Variants in WDR70 observed in about 807,000 individuals in gnomAD.
WDR70 encodes the protein WD repeat domain 70.
A neutral mutation model predicts 88.6 loss-of-function variants in WDR70; 53 were observed. That is an observed-to-expected ratio of 0.60 (90% CI 0.48 to 0.75). The LOEUF (loss-of-function observed/expected upper bound fraction) is 0.75, where lower values mean the gene tolerates loss of function less well. Ranked by LOEUF, WDR70 falls within the 30% of genes least tolerant of loss-of-function variation. The pLI is 0.00. For synonymous variants in WDR70, 280 were observed against 270.0 expected (o/e 1.04, Z -0.36); for missense variants, 610 against 823.2 (o/e 0.74, Z 3.17).
At chr5:37,558,486 TA>T (rs1017230523) in intron 9 of WDR70, among the ~76,000 whole-genome samples, 16 of 151,180 alleles carry the variant, frequency 1.1e-4, no homozygotes, top group African/African-American at 2.9e-4. Context: ...CCTGGTTAAT[TA>T]AAAAAAAATT....
chr5:37,552,613 A>G (rs1561898801), intron 9 of WDR70, among the ~76,000 whole-genome samples: 1 of 152,246 alleles, frequency 6.6e-6, no homozygotes. Context: ...GGGGTCCCAC[A>G]GAAGTGAAAC....
chr5:37,604,385 T>G (rs1451966976), intron 9 of WDR70, among the ~76,000 whole-genome samples: 1 of 152,238 alleles, frequency 6.6e-6, no homozygotes, highest in Admixed American at 6.5e-5. Context: ...CTCATCTTTG[T>G]TTTTCTGTAT....
At chr5:37,730,247 A>G (rs1463259099) in intron 17 of WDR70, among the ~76,000 whole-genome samples, 1 of 152,148 alleles carries the variant, frequency 6.6e-6, no homozygotes, top group Non-Finnish European at 1.5e-5. Flanking sequence ...TTTTAGTATG[A>G]AATTTAACTT....
At chr5:37,524,712 T>A (rs1741206400) in intron 9 of WDR70, among the ~76,000 whole-genome samples, 1 of 152,160 alleles carries the variant, frequency 6.6e-6, no homozygotes, top group Non-Finnish European at 1.5e-5. Context: ...TCAAGGCCCA[T>A]CAGTGTGCTG....
At chr5:37,609,872 A>G (rs528982568) in intron 10 of WDR70, among the ~76,000 whole-genome samples, 1 of 152,376 alleles carries the variant, frequency 6.6e-6, no homozygotes, top group South Asian at 2.1e-4. Context: ...GACAACAAAT[A>G]TGAAGAAAAA....
At chr5:37,532,295 A>G (rs1464808027) in intron 9 of WDR70, among the ~76,000 whole-genome samples, 1 of 152,130 alleles carries the variant, frequency 6.6e-6, no homozygotes, top group Non-Finnish European at 1.5e-5. Flanking sequence ...TTGTATTTGG[A>G]TATCTAGATC....
At chr5:37,616,158 C>T (rs991866615) in intron 10 of WDR70, among the ~76,000 whole-genome samples, 1 of 152,034 alleles carries the variant, frequency 6.6e-6, no homozygotes. Context: ...TCTCACTCAC[C>T]CAGGCTGGAG....
intron 10 of WDR70, among the ~76,000 whole-genome samples, chr5:37,623,588 A>G (rs1417029208): frequency 6.6e-6 from 1 of 152,180 alleles, no homozygotes; most frequent in Non-Finnish European, 1.5e-5. Flanking sequence ...ATACTATTTC[A>G]TAGAGCTCAA....
intron 17 of WDR70, among the ~76,000 whole-genome samples, chr5:37,739,358 C>T (rs187027562): frequency 6.6e-6 from 1 of 152,242 alleles, no homozygotes; most frequent in Non-Finnish European, 1.5e-5. Flanking sequence ...CGAGTCAATC[C>T]CTTTATAGGC....
intron 3 of WDR70, among the ~76,000 whole-genome samples, chr5:37,389,608 T>A (rs983617319): frequency 6.6e-6 from 1 of 152,094 alleles, no homozygotes; most frequent in Non-Finnish European, 1.5e-5. Context: ...GAGACGGGAT[T>A]TCCCCGTGTT....
At chr5:37,408,717 G>T (rs1749430762) in intron 5 of WDR70, among the ~76,000 whole-genome samples, 1 of 151,992 alleles carries the variant, frequency 6.6e-6, no homozygotes. Flanking sequence ...TATTTATTTT[G>T]AATTTTTTTG....
In WDR70 at chr5:37,693,629, G is replaced by A. The variant is rs189922326; in HGVS notation, c.1093-4026G>A. On this transcript the variant is annotated intron_variant, in intron 10 of 17. Coordinates refer to ENST00000265107, the MANE Select transcript of WDR70 (RefSeq NM_018034.4). ...GAAAAGATTCCCTATTTAATAAATG[G>A]TGCTGGGAAAACTGGCTAGCCATCT... Among the ~76,000 whole-genome samples the A allele has an allele frequency of 2.2e-4, 34 of 152,268 alleles. No homozygotes were observed. In the East Asian group the frequency reaches 6.0e-3, roughly 27 times the overall value.
intron 8 of WDR70, chr5:37,506,486 A>G (rs1740565382): frequency 1.3e-6 from 1 of 768,962 alleles, no homozygotes; most frequent in Admixed American, 1.7e-5. Flanking sequence ...TTCCCCAGAC[A>G]CCTCTGTTCT....
At chr5:37,424,407 A>ATTT (rs11434948) in intron 5 of WDR70, among the ~76,000 whole-genome samples, 1 of 142,166 alleles carries the variant, frequency 7.0e-6, no homozygotes, top group African/African-American at 2.6e-5. Context: ...ATTTTTTTCC[A>ATTT]TTTTTTTTTT....
Position 37,644,489 on chromosome 5 carries a change from G to A in WDR70, c.1092+39251G>A, listed in dbSNP as rs139303481. On this transcript the variant is annotated intron_variant, in intron 10 of 17. Coordinates refer to ENST00000265107, the MANE Select transcript of WDR70 (RefSeq NM_018034.4). ...TAGTTTTGGTATCAGGGTAATATTA[G>A]CATTGTAGAATGAGTTTGGAAGTAT... Among the ~76,000 whole-genome samples, 794 of 152,072 alleles carry A rather than the reference G, an allele frequency of 5.2e-3. 4 individuals are homozygous for A. The highest frequency in any genetic ancestry group is 8.9e-3 in the Admixed American group (136 of 15,272).
intron 8 of WDR70, among the ~76,000 whole-genome samples, chr5:37,490,553 G>A (rs1048653370): frequency 1.3e-5 from 2 of 152,172 alleles, no homozygotes; most frequent in Non-Finnish European, 2.9e-5. Flanking sequence ...CAGTCCTGCT[G>A]TTGTGGGTAG....
chr5:37,575,990 A>G (rs933321785), intron 9 of WDR70, among the ~76,000 whole-genome samples: 4 of 152,080 alleles, frequency 2.6e-5, no homozygotes, highest in African/African-American at 4.8e-5. Flanking sequence ...AAACACACAC[A>G]TTTTGTGTCA....
chr5:37,522,881 T>C (rs1274282771), intron 9 of WDR70, among the ~76,000 whole-genome samples: 1 of 152,188 alleles, frequency 6.6e-6, no homozygotes, highest in Non-Finnish European at 1.5e-5. Context: ...CCTCGCTCAT[T>C]GCTAGCACAG....
At chr5:37,683,467 T>C (rs1746497667) in intron 10 of WDR70, among the ~76,000 whole-genome samples, 1 of 152,192 alleles carries the variant, frequency 6.6e-6, no homozygotes, top group South Asian at 2.1e-4. Context: ...TGTGTTTTTG[T>C]AGTGGCTGTT....
Sources: allele counts gnomAD v4.1 joint callset (sites outside exome capture counted in the v4.1 genomes callset), GRCh38; gene constraint gnomAD v4.1.1; transcripts MANE v1.5; gene names NCBI Gene and HGNC (gene_info 2026-07-23, HGNC 2026-07-21).